The following TMEM233 variants were observed in gnomAD, a reference collection of about 807,000 sequenced individuals.
TMEM233 encodes the protein dispanin subfamily B member 2.
Under a neutral mutation model 11.2 loss-of-function variants are expected in TMEM233, and 6 were observed. The observed-to-expected ratio is 0.54, with a 90% CI of 0.29 to 1.06. The LOEUF is 1.06. Among genes scored for constraint, TMEM233 ranks in the 50% least tolerant of loss-of-function variants. The pLI is 0.08. For synonymous variants in TMEM233, 59 were observed against 55.8 expected (o/e 1.06, Z -0.26); for missense variants, 127 against 144.7 (o/e 0.88, Z 0.63).
At chr12:119,617,925 A>G (rs1000887440) in intron 1 of TMEM233, among the ~76,000 whole-genome samples, 2 of 152,268 alleles carry the variant, frequency 1.3e-5, no homozygotes, top group Non-Finnish European at 2.9e-5. Context: ...AGACAATGGG[A>G]AAAATGTCTC....
intron 2 of TMEM233, among the ~76,000 whole-genome samples, chr12:119,632,948 C>T (rs548689753): frequency 5.9e-5 from 9 of 152,288 alleles, no homozygotes; most frequent in African/African-American, 1.7e-4. Context: ...GATCTAGAAG[C>T]ATTCATATGT....
At chr12:119,611,357 G>A (rs151159473) in intron 1 of TMEM233, among the ~76,000 whole-genome samples, 2 of 152,118 alleles carry the variant, frequency 1.3e-5, no homozygotes, top group East Asian at 1.9e-4. Flanking sequence ...CTTTTTTACT[G>A]TGGCTATCCC....
At chr12:119,653,010 A>G in the TMEM233 span, among the ~76,000 whole-genome samples, 4 of 152,182 alleles carry the variant, frequency 2.6e-5, no homozygotes, top group African/African-American at 9.7e-5. Flanking sequence ...TAATTTCACT[A>G]CCAGTTAAAA....
At chr12:119,616,343 C>T (rs1022675520) in intron 1 of TMEM233, among the ~76,000 whole-genome samples, 1 of 152,170 alleles carries the variant, frequency 6.6e-6, no homozygotes, top group African/African-American at 2.4e-5. Flanking sequence ...TGCTCTTGTT[C>T]TATAAGATCC....
chr12:119,635,336 T>C (rs1180311681), intron 2 of TMEM233, among the ~76,000 whole-genome samples: 2 of 152,180 alleles, frequency 1.3e-5, no homozygotes. Context: ...CCTGGAAATA[T>C]GACAAGCCAC....
chr12:119,638,057 G>T (rs763070457), intron 2 of TMEM233, among the ~76,000 whole-genome samples: 6 of 152,184 alleles, frequency 3.9e-5, no homozygotes, highest in Admixed American at 2.0e-4. Flanking sequence ...CACCAACCCA[G>T]CAATTCCACT....
At position 119,594,689 on chromosome 12, in the gene TMEM233, C is replaced by A. The variant is rs1006224068; in HGVS notation, c.186+655C>A. 1.3e-5 allele frequency among the ~76,000 whole-genome samples: 2 copies of A among 152,280 alleles called. No individual in the cohort carries two copies. The highest frequency in any genetic ancestry group is 3.4e-3 in the Middle Eastern group (1 of 294). Reference sequence around the variant, plus strand: ...AACAGTTTCCTCTCGCTTCTTCCTACACCCAACTTCCTCTCCTTGCCTCCC... The same window carrying A: ...AACAGTTTCCTCTCGCTTCTTCCTAAACCCAACTTCCTCTCCTTGCCTCCC... On this transcript the variant is annotated intron_variant, in intron 1 of 2. Transcript: ENST00000426426. The surrounding 1 kb of genome is among the most constrained non-coding windows in gnomAD (Gnocchi z 5.6).
At chr12:119,611,634 T>C (rs1160618789) in intron 1 of TMEM233, among the ~76,000 whole-genome samples, 1 of 152,112 alleles carries the variant, frequency 6.6e-6, no homozygotes, top group Non-Finnish European at 1.5e-5. Context: ...TTTCTGGCCC[T>C]TGCTTCTTTC....
At chr12:119,624,697 G>A (rs550845707) in intron 1 of TMEM233, among the ~76,000 whole-genome samples, 10 of 152,334 alleles carry the variant, frequency 6.6e-5, no homozygotes, top group African/African-American at 2.2e-4. Context: ...ATGAATGGGA[G>A]TGAGTATTTT....
chr12:119,621,967 T>C (rs1349492900), intron 1 of TMEM233, among the ~76,000 whole-genome samples: 1 of 152,236 alleles, frequency 6.6e-6, no homozygotes, highest in African/African-American at 2.4e-5. Flanking sequence ...TTTCTGAGTA[T>C]ATTACAATAT....
chr12:119,616,998 C>T (rs774643569), intron 1 of TMEM233, among the ~76,000 whole-genome samples: 19 of 152,120 alleles, frequency 1.2e-4, no homozygotes, highest in Non-Finnish European at 2.6e-4. Context: ...ATAAATTACC[C>T]GGTCTCAGGT....
intron 1 of TMEM233, among the ~76,000 whole-genome samples, chr12:119,612,380 C>T (rs896194717): frequency 7.2e-5 from 11 of 152,114 alleles, no homozygotes; most frequent in Admixed American, 6.5e-4. Context: ...TTTGGGAGGC[C>T]AAGGCAGGTG....
At chr12:119,605,458 C>CA (rs1454211848) in intron 1 of TMEM233, among the ~76,000 whole-genome samples, 3 of 115,564 alleles carry the variant, frequency 2.6e-5, no homozygotes, top group Admixed American at 1.2e-4. Flanking sequence ...GACAGGGCCT[C>CA]ACTCTGTTGC....
chr12:119,618,693 C>G (rs1400897734), intron 1 of TMEM233, among the ~76,000 whole-genome samples: 5 of 152,166 alleles, frequency 3.3e-5, no homozygotes. Flanking sequence ...GCCAATTTCT[C>G]CCTTGTGGAA....
chr12:119,645,320 C>CAAAAAAAAAAAAAA (rs3078450), downstream of TMEM233, among the ~76,000 whole-genome samples: 3 of 74,794 alleles, frequency 4.0e-5, no homozygotes, highest in African/African-American at 9.9e-5. Context: ...CACCAATTAC[C>CAAAAAAAAAAAAAA]AAAAAAAAAA....
rs1035160071 is a variant in TMEM233 at position 119,594,072 on chromosome 12, G to C, written c.186+38G>C. On this transcript the variant is annotated intron_variant, in intron 1 of 2. Transcript: ENST00000426426. The surrounding 1 kb of genome is among the most constrained non-coding windows in gnomAD (Gnocchi z 5.6). ...CGGCCAGAGGCAGCCTGGGAGGAGA[G>C]ACCCGGGCGGCTTTGAGCCCCTGCA... is the stretch of plus-strand genomic sequence containing the variant. 2.6e-6 allele frequency: 4 copies of C among 1,545,194 alleles called. No individual in the cohort carries two copies. The highest frequency in any genetic ancestry group is 3.5e-6 in the Non-Finnish European group (4 of 1,143,164).
In TMEM233 at chr12:119,640,873, A is replaced by AAG. The variant is rs1955073194; in HGVS notation, c.*168_*169insAG. On this transcript the variant is annotated 3_prime_UTR_variant, in exon 3 of 3. Coordinates refer to ENST00000426426, the MANE Select transcript of TMEM233 (RefSeq NM_001136534.3). ...ATGAACAAGAAAAAAAAAAAAAAAA[A>AAG]GTCCAAAATTTAGGCAATCCAAGCT... is the stretch of plus-strand genomic sequence containing the variant. The AAG allele has an allele frequency of 1.3e-6, 1 of 768,438 alleles. No individual in the cohort carries two copies. 47.6% of individuals were successfully genotyped at this position (768,438 alleles called of 1,614,324 possible).
At chr12:119,601,644 C>G (rs997549893) in intron 1 of TMEM233, among the ~76,000 whole-genome samples, 1 of 119,990 alleles carries the variant, frequency 8.3e-6, no homozygotes, top group Admixed American at 1.0e-4. Flanking sequence ...GGCGACAGAG[C>G]GAGATTCCGC....
chr12:119,649,314 A>AAGAAAAAGAAAAGGAGAAGAGAAAAGAAG, the TMEM233 span, among the ~76,000 whole-genome samples: 1 of 152,124 alleles, frequency 6.6e-6, no homozygotes, highest in Non-Finnish European at 1.5e-5. Flanking sequence ...AACAGAAGAA[A>AAGAAAAAGAAAAGGAGAAGAGAAAAGAAG]AGAAAAAGAA....
Sources: gnomAD v4.1 joint callset for allele counts (sites outside exome capture counted in the v4.1 genomes callset) on GRCh38, gnomAD v4.1.1 for gene constraint, Gnocchi (gnomAD v3.1) non-coding constraint, MANE v1.5 for transcripts, NCBI Gene and HGNC (gene_info 2026-07-23, HGNC 2026-07-21) for gene names.